TDG: variants seen among roughly 807,000 people sequenced by gnomAD.
TDG encodes G/T mismatch-specific thymine DNA glycosylase.
TDG carries 23 observed loss-of-function variants against 46.1 expected under a neutral mutation model. That is an observed-to-expected ratio of 0.50 (90% CI 0.36 to 0.71). The LOEUF (loss-of-function observed/expected upper bound fraction) is 0.71, where lower values mean the gene tolerates loss of function less well. Among genes scored for constraint, TDG ranks in the 30% least tolerant of loss-of-function variants. The probability of loss-of-function intolerance (pLI) is 0.00; values close to 1 mark genes in which losing one functional copy is unlikely to be tolerated. For missense variants in TDG, 304 were observed against 486.7 expected (o/e 0.62, Z 3.53); for synonymous variants, 115 against 161.3 (o/e 0.71, Z 2.18).
rs1870986657 is a variant in TDG at position 103,966,045 on chromosome 12, C to T, written c.8C>T (p.Ala3Val). 4 of 1,594,870 alleles carry T rather than the reference C, an allele frequency of 2.5e-6. No individual in the cohort carries two copies. Among genetic ancestry groups the T allele is most frequent in the Non-Finnish European group, 3.4e-6 (4 of 1,171,450 alleles). The change falls in exon 1 of 10, where the codon GCG (alanine) becomes GTG (valine). Residue 3 changes from alanine to valine, a missense_variant. Transcript: ENST00000392872. ME[A>V]ENAGSYSLQQ... ...CATCAGCGGCCTCGGGGAATGGAAG[C>T]GGAGAACGCGGGCAGGTAATACCGG... is the stretch of plus-strand genomic sequence containing the variant.
intron 2 of TDG, among the ~76,000 whole-genome samples, chr12:103,979,292 G>A (rs1593513942): frequency 6.6e-6 from 1 of 151,510 alleles, no homozygotes; most frequent in East Asian, 1.9e-4. Flanking sequence ...TAGTAAAGAC[G>A]GGGGTTTCAC....
intron 1 of TDG, among the ~76,000 whole-genome samples, chr12:103,973,570 C>T (rs1871375899): frequency 6.6e-6 from 1 of 152,158 alleles, no homozygotes; most frequent in Non-Finnish European, 1.5e-5. Context: ...TCTAACCTAG[C>T]CATATCCAAC....
At position 103,982,953 on chromosome 12, in the gene TDG, C is replaced by T. The variant is rs367737114; in HGVS notation, c.614+19C>T. On this transcript the variant is annotated intron_variant, in intron 5 of 9. Coordinates refer to ENST00000392872, the MANE Select transcript of TDG (RefSeq NM_003211.6). ...TCTCCAGGTAAGTACACAGCATTTG[C>T]TTTTATGGGTTGGAACCTTGAGTAT... 6.4e-5 allele frequency: 103 copies of T among 1,612,636 alleles called. No individual in the cohort carries two copies. The highest frequency in any genetic ancestry group is 8.5e-5 in the Non-Finnish European group (100 of 1,179,454).
At chr12:103,980,104 G>T in intron 3 of TDG, 32 bp downstream of exon 3, 1 of 1,612,314 alleles carries the variant, frequency 6.2e-7, no homozygotes, top group Non-Finnish European at 8.5e-7. Flanking sequence ...GATTTTATAA[G>T]TAGTATTGGG....
intron 7 of TDG, 83 bp downstream of exon 7, chr12:103,983,472 G>A: frequency 1.0e-6 from 1 of 977,696 alleles, no homozygotes; most frequent in Non-Finnish European, 1.5e-6. Context: ...TATCCATTGT[G>A]ATTTATACCA....
At chr12:103,985,053 ATATATACATG>A in intron 8 of TDG, 133 bp downstream of exon 8, 2 of 473,706 alleles carry the variant, frequency 4.2e-6, no homozygotes, top group Non-Finnish European at 6.2e-6. Context: ...GCACACGTGT[ATATATACATG>A]TGTATATATA....
chr12:103,974,703 G>T (rs1162716419), intron 1 of TDG, among the ~76,000 whole-genome samples: 1 of 152,102 alleles, frequency 6.6e-6, no homozygotes, highest in Non-Finnish European at 1.5e-5. Flanking sequence ...GGGCGCGGTG[G>T]CTCATGCCTA....
intron 9 of TDG, 103 bp downstream of exon 9, chr12:103,985,831 A>G: frequency 7.9e-7 from 1 of 1,265,392 alleles, no homozygotes; most frequent in East Asian, 2.7e-5. Context: ...AATGGGAATG[A>G]TAATATGAAA....
At chr12:103,971,344 G>T (rs2722200) in intron 1 of TDG, among the ~76,000 whole-genome samples, 1 of 151,946 alleles carries the variant, frequency 6.6e-6, no homozygotes, top group Non-Finnish European at 1.5e-5. Context: ...CGGGCAGATC[G>T]TGAGGTCAGG....
chr12:103,988,075 C>T lies in TDG; in HGVS notation c.*985C>T, dbSNP rs1375072631. ...TAAAGATTCTTTATCTGCATCATTG[C>T]TGTTTGTTACTATAAATTAAATGAA... is the stretch of plus-strand genomic sequence containing the variant. On this transcript the variant is annotated 3_prime_UTR_variant, in exon 10 of 10. Transcript: ENST00000392872. 1 of 152,732 alleles carries T rather than the reference C, an allele frequency of 6.5e-6. No homozygotes were observed. Among genetic ancestry groups the T allele is most frequent in the Admixed American group, 6.5e-5 (1 of 15,290 alleles). The allele number at this position is 152,732 out of a possible 1,614,324, so 9.5% of individuals were successfully genotyped here. A position where few individuals can be genotyped will look rare whatever the true frequency, so the allele number is the denominator to read the frequency against.
At chr12:103,973,154 G>A (rs4135070) in intron 1 of TDG, 47 of 618,814 alleles carry the variant, frequency 7.6e-5, no homozygotes, top group African/African-American at 2.1e-4. Context: ...GCATCATCTC[G>A]GCTCACCACA....
chr12:103,983,037 A>G, intron 5 of TDG, 99 bp from the exon 6 acceptor site: 1 of 1,569,428 alleles, frequency 6.4e-7, no homozygotes, highest in South Asian at 1.2e-5. Flanking sequence ...TGAGCTCAAC[A>G]AATGTACAAT....
chr12:103,985,524 T>C lies in TDG; in HGVS notation c.965-79T>C, dbSNP rs778752884. 825 of 1,459,978 alleles carry C rather than the reference T, an allele frequency of 5.7e-4. 5 individuals are homozygous for C. The highest frequency in any genetic ancestry group is 1.6e-4 in the Admixed American group (7 of 44,934). The allele number at this position is 1,459,978 out of a possible 1,614,324, so 90.4% of individuals were successfully genotyped here. A position where few individuals can be genotyped will look rare whatever the true frequency, so the allele number is the denominator to read the frequency against. On this transcript the variant is annotated intron_variant, in intron 8 of 9. Coordinates refer to ENST00000392872, the MANE Select transcript of TDG (RefSeq NM_003211.6). ...TATATGAATATTCAAGAAAAAGAAT[T>C]GTTCATGATTTCTGAATAAAGCTAC...
intron 1 of TDG, among the ~76,000 whole-genome samples, chr12:103,971,753 G>A (rs4135062): frequency 0.77 from 116,426 of 152,130 alleles, 44,810 homozygotes; most frequent in East Asian, 1. Flanking sequence ...AAAATCAATC[G>A]TGCTTGTAAG....
intron 1 of TDG, among the ~76,000 whole-genome samples, chr12:103,968,265 G>A (rs1593506121): frequency 1.3e-5 from 2 of 152,168 alleles, no homozygotes; most frequent in Admixed American, 6.5e-5. Flanking sequence ...GACATTTACC[G>A]AAGATGGAAA....
intron 1 of TDG, chr12:103,973,169 C>G (rs1201521153): frequency 1.4e-5 from 9 of 630,050 alleles, no homozygotes; most frequent in Non-Finnish European, 2.0e-5. Flanking sequence ...ACCACAACCT[C>G]CACCTCCTGG....
intron 1 of TDG, among the ~76,000 whole-genome samples, chr12:103,966,887 G>A (rs1269025001): frequency 6.6e-6 from 1 of 152,176 alleles, no homozygotes; most frequent in Non-Finnish European, 1.5e-5. Context: ...ATATGGGCCT[G>A]TTCATGTCTG....
Position 103,987,139 on chromosome 12 carries a change from G to A in TDG, c.*49G>A. On this transcript the variant is annotated 3_prime_UTR_variant, in exon 10 of 10. Coordinates refer to ENST00000392872, the MANE Select transcript of TDG (RefSeq NM_003211.6). ...TAAATGCTGCAGTTTTAATGCAGTT[G>A]TCAACAAGTAGAACCTCAGTTTGCT... The A allele has an allele frequency of 6.3e-7, 1 of 1,597,396 alleles. No homozygotes were observed. The highest frequency in any genetic ancestry group is 1.7e-5 in the Admixed American group (1 of 59,498).
Position 103,982,948 on chromosome 12 carries a change from A to G in TDG, c.614+14A>G. 2 of 1,612,904 alleles carry G rather than the reference A, an allele frequency of 1.2e-6. No homozygotes were observed. The highest frequency in any genetic ancestry group is 1.7e-6 in the Non-Finnish European group (2 of 1,179,520). ...AGATCTCTCCAGGTAAGTACACAGC[A>G]TTTGCTTTTATGGGTTGGAACCTTG... is the stretch of plus-strand genomic sequence containing the variant. On this transcript the variant is annotated intron_variant, in intron 5 of 9. Transcript: ENST00000392872.
Sources: allele counts gnomAD v4.1 joint callset (sites outside exome capture counted in the v4.1 genomes callset), GRCh38; gene constraint gnomAD v4.1.1; transcripts MANE v1.5; gene names NCBI Gene and HGNC (gene_info 2026-07-23, HGNC 2026-07-21).